Variants in GHR observed in about 807,000 individuals in gnomAD.
GHR encodes GH receptor.
A neutral mutation model predicts 67.1 loss-of-function variants in GHR; 35 were observed. The observed-to-expected ratio is 0.52, with a 90% CI of 0.40 to 0.69. The LOEUF (loss-of-function observed/expected upper bound fraction) is 0.69, where lower values mean the gene tolerates loss of function less well. GHR is among the 30% of genes least tolerant of loss of function. The probability of loss-of-function intolerance (pLI) is 0.00; values close to 1 mark genes in which losing one functional copy is unlikely to be tolerated. For missense variants in GHR, 792 were observed against 764.6 expected (o/e 1.04, Z -0.42); for synonymous variants, 272 against 269.1 (o/e 1.01, Z -0.10).
chr5:42,616,573 T>A (rs923800140), intron 2 of GHR, among the ~76,000 whole-genome samples: 1 of 151,344 alleles, frequency 6.6e-6, no homozygotes, highest in African/African-American at 2.4e-5. Flanking sequence ...CTGAGTAGAG[T>A]CTGAAGTTCA....
At chr5:42,717,713 A>G (rs1758787969) in intron 8 of GHR, among the ~76,000 whole-genome samples, 1 of 152,224 alleles carries the variant, frequency 6.6e-6, no homozygotes, top group African/African-American at 2.4e-5. Context: ...AATGGAAATC[A>G]GCTTTAGATG....
intron 1 of GHR, among the ~76,000 whole-genome samples, chr5:42,480,858 C>A (rs1299809193): frequency 6.6e-6 from 1 of 152,148 alleles, no homozygotes; most frequent in African/African-American, 2.4e-5. Flanking sequence ...CAGCCTGTGT[C>A]TTTTAATTGG....
At chr5:42,588,547 A>AAAAAAAAAAAC in intron 2 of GHR, among the ~76,000 whole-genome samples, 1 of 150,486 alleles carries the variant, frequency 6.6e-6, no homozygotes, top group African/African-American at 2.4e-5. Flanking sequence ...AAAAAAAAAA[A>AAAAAAAAAAAC]AAAAGTGACC....
chr5:42,532,817 C>G (rs1233680780), intron 1 of GHR, among the ~76,000 whole-genome samples: 2 of 152,002 alleles, frequency 1.3e-5, no homozygotes, highest in African/African-American at 4.8e-5. Flanking sequence ...TATGAAAATA[C>G]CACAATTTAT....
chr5:42,477,633 G>T (rs1745399164), intron 1 of GHR, among the ~76,000 whole-genome samples: 1 of 152,188 alleles, frequency 6.6e-6, no homozygotes, highest in South Asian at 2.1e-4. Flanking sequence ...CTGATGGCCA[G>T]TGATGATGAG....
chr5:42,601,507 A>G (rs545526687), intron 2 of GHR, among the ~76,000 whole-genome samples: 42 of 152,294 alleles, frequency 2.8e-4, no homozygotes, highest in African/African-American at 9.9e-4. Context: ...ACCCTGACCC[A>G]ATAATAGTTA....
At chr5:42,485,770 A>G (rs1021997048) in intron 1 of GHR, among the ~76,000 whole-genome samples, 1 of 152,212 alleles carries the variant, frequency 6.6e-6, no homozygotes, top group Admixed American at 6.5e-5. Context: ...ATTACTGTGC[A>G]TGGAGATTAG....
chr5:42,705,394 TA>T (rs940974372), intron 6 of GHR, among the ~76,000 whole-genome samples: 1 of 152,090 alleles, frequency 6.6e-6, no homozygotes, highest in African/African-American at 2.4e-5. Context: ...TTTTTGATTT[TA>T]TTTTTTACTT....
chr5:42,617,963 A>G (rs757964076), intron 2 of GHR, among the ~76,000 whole-genome samples: 54 of 152,252 alleles, frequency 3.5e-4, no homozygotes, highest in Non-Finnish European at 7.1e-4. Flanking sequence ...TGATTTGATT[A>G]CCGTTTTGAC....
chr5:42,679,751 G>T (rs1347390054), intron 3 of GHR, among the ~76,000 whole-genome samples: 2 of 152,082 alleles, frequency 1.3e-5, no homozygotes, highest in Non-Finnish European at 2.9e-5. Flanking sequence ...CATCTATTCA[G>T]TAGTGAGAAT....
chr5:42,549,867 C>T (rs764794129), intron 1 of GHR, among the ~76,000 whole-genome samples: 19 of 152,146 alleles, frequency 1.2e-4, no homozygotes, highest in Admixed American at 7.9e-4. Flanking sequence ...GAAATTTAGG[C>T]CCAATTTAGT....
intron 1 of GHR, among the ~76,000 whole-genome samples, chr5:42,486,576 G>C (rs1322827586): frequency 6.6e-6 from 1 of 152,190 alleles, no homozygotes; most frequent in African/African-American, 2.4e-5. Flanking sequence ...GGCCGGGCAC[G>C]GTGGCTTACG....
chr5:42,483,734 C>G (rs945914864), intron 1 of GHR, among the ~76,000 whole-genome samples: 1 of 152,144 alleles, frequency 6.6e-6, no homozygotes, highest in Admixed American at 6.5e-5. Context: ...AGCCCATGTC[C>G]ATAACATTGT....
chr5:42,447,688 CCTCCCTCCCTCTATCT>C (rs1224633430), intron 1 of GHR, among the ~76,000 whole-genome samples: 2 of 136,672 alleles, frequency 1.5e-5, no homozygotes, highest in African/African-American at 5.5e-5. Flanking sequence ...TCCCTCCCTC[CCTCCCTCCCTCTATCT>C]CTCCCTCCCT....
At chr5:42,599,337 T>A (rs1752242710) in intron 2 of GHR, among the ~76,000 whole-genome samples, 1 of 151,602 alleles carries the variant, frequency 6.6e-6, no homozygotes, top group Non-Finnish European at 1.5e-5. Flanking sequence ...CTCATGGGCA[T>A]GTTGTTTGGC....
chr5:42,558,743 C>G (rs1334530302), intron 1 of GHR, among the ~76,000 whole-genome samples: 1 of 152,132 alleles, frequency 6.6e-6, no homozygotes, highest in Non-Finnish European at 1.5e-5. Context: ...TAAATACACT[C>G]TGTGGTGTTC....
chr5:42,715,878 T>C (rs191250185), intron 8 of GHR, among the ~76,000 whole-genome samples: 105 of 152,310 alleles, frequency 6.9e-4, no homozygotes, highest in African/African-American at 2.4e-3. Flanking sequence ...ATTCTTTAAT[T>C]TGCCACCATC....
At chr5:42,465,837 G>A (rs764636576) in intron 1 of GHR, 104 of 764,202 alleles carry the variant, frequency 1.4e-4, no homozygotes, top group Non-Finnish European at 8.0e-5. Flanking sequence ...TGAATAGGTC[G>A]GTCAATAATC....
At chr5:42,689,846 C>T (rs530089489) in intron 4 of GHR, among the ~76,000 whole-genome samples, 20 of 152,144 alleles carry the variant, frequency 1.3e-4, no homozygotes, top group Non-Finnish European at 2.1e-4. Flanking sequence ...TGTTTCTAAC[C>T]AGATAATACA....
Sources: allele counts gnomAD v4.1 joint callset (sites outside exome capture counted in the v4.1 genomes callset), GRCh38; gene constraint gnomAD v4.1.1; transcripts MANE v1.5; gene names NCBI Gene and HGNC (gene_info 2026-07-23, HGNC 2026-07-21).